Variants in TANGO6 observed in about 807,000 individuals in gnomAD.
The protein encoded by TANGO6 is transport and Golgi organization protein 6 homolog.
A neutral mutation model predicts 114.2 loss-of-function variants in TANGO6; 90 were observed. That is an observed-to-expected ratio of 0.79 (90% CI 0.66 to 0.94). The LOEUF is 0.94. Ranked by LOEUF, TANGO6 falls within the 40% of genes least tolerant of loss-of-function variation. The pLI is 0.00. For synonymous variants in TANGO6, 477 were observed against 509.8 expected, an observed-to-expected ratio of 0.94 and a Z score of 0.87; for missense variants, 1,274 against 1,315.3, an observed-to-expected ratio of 0.97 and a Z score of 0.49.
chr16:68,894,795 C>T (rs1036651836), intron 7 of TANGO6, among the ~76,000 whole-genome samples: 3 of 151,862 alleles, frequency 2.0e-5, no homozygotes, highest in Admixed American at 1.3e-4. Flanking sequence ...AGTTTATTCA[C>T]GATGTTGCTC....
At chr16:68,962,815 C>G (rs1963606505) in intron 14 of TANGO6, among the ~76,000 whole-genome samples, 1 of 151,698 alleles carries the variant, frequency 6.6e-6, no homozygotes, top group Non-Finnish European at 1.5e-5. Flanking sequence ...GGCGCGGTGG[C>G]TCATGCCTGT....
chr16:69,044,837 G>A lies in TANGO6; in HGVS notation c.3108+4416G>A, dbSNP rs551028940. The stretch of plus-strand genomic sequence containing the variant: ...TTCAAGACCAGCCAGGGCTACGTAA[G>A]CAAGACCTTATCTGAAAAAGAAAAA... On this transcript the variant is annotated intron_variant, in intron 17 of 17. Coordinates refer to ENST00000261778, the MANE Select transcript of TANGO6 (RefSeq NM_024562.2). Among the ~76,000 whole-genome samples, 8 of 152,218 alleles carry A rather than the reference G, an allele frequency of 5.3e-5. No individual in the cohort carries two copies. The South Asian group carries it at 1.5e-3, about 28-fold the overall frequency.
At chr16:68,997,616 AC>A (rs1470920345) in intron 15 of TANGO6, among the ~76,000 whole-genome samples, 6 of 152,160 alleles carry the variant, frequency 3.9e-5, no homozygotes, top group Non-Finnish European at 4.4e-5. Context: ...CGGCTTCTTT[AC>A]CACATCTCAT....
At chr16:69,025,008 A>G (rs919043053) in intron 16 of TANGO6, among the ~76,000 whole-genome samples, 3 of 151,932 alleles carry the variant, frequency 2.0e-5, no homozygotes. Flanking sequence ...GTGTTTCATC[A>G]TGTTGGCCAG....
chr16:68,999,957 G>A (rs553916878), intron 15 of TANGO6, among the ~76,000 whole-genome samples: 102 of 152,302 alleles, frequency 6.7e-4, no homozygotes, highest in African/African-American at 2.4e-3. Context: ...TCAGAGTCCT[G>A]TAGCTGATTA....
At chr16:68,920,179 C>T (rs1353130475) in intron 12 of TANGO6, among the ~76,000 whole-genome samples, 1 of 152,210 alleles carries the variant, frequency 6.6e-6, no homozygotes, top group African/African-American at 2.4e-5. Flanking sequence ...GGAAGTCAGA[C>T]ACTAAATGAC....
intron 15 of TANGO6, among the ~76,000 whole-genome samples, chr16:69,005,022 C>T (rs897801655): frequency 9.9e-5 from 15 of 152,178 alleles, no homozygotes; most frequent in Non-Finnish European, 2.2e-4. Flanking sequence ...CACCCCAGAG[C>T]ATCTGGCATG....
At chr16:68,931,150 G>A (rs1963234587) in intron 14 of TANGO6, among the ~76,000 whole-genome samples, 1 of 152,192 alleles carries the variant, frequency 6.6e-6, no homozygotes, top group Admixed American at 6.5e-5. Flanking sequence ...AAGCAGACAT[G>A]GTGAGGTCAG....
rs182813751 is a variant in TANGO6, at chr16:69,023,120, A to T, written c.2994+141A>T. ...GTGAGACAGGGCAAGTGAGCCATTG[A>T]ACTTCCCAAGGCTTCATCTGTCTCA... On this transcript the variant is annotated intron_variant, in intron 16 of 17. Coordinates refer to ENST00000261778, the MANE Select transcript of TANGO6 (RefSeq NM_024562.2). The T allele has an allele frequency of 4.3e-5, 38 of 886,550 alleles. No individual in the cohort carries two copies. In the East Asian group the frequency reaches 8.6e-4, roughly 20 times the overall value. The allele number at this position is 886,550 out of a possible 1,614,324, so 54.9% of individuals were successfully genotyped here.
intron 15 of TANGO6, among the ~76,000 whole-genome samples, chr16:69,021,918 C>T (rs1421422606): frequency 6.9e-6 from 1 of 144,674 alleles, no homozygotes; most frequent in Non-Finnish European, 1.5e-5. Context: ...CAGAATCTCA[C>T]TGTGTTGCCC....
intron 14 of TANGO6, among the ~76,000 whole-genome samples, chr16:68,932,095 AT>A (rs1021724091): frequency 1.7e-4 from 25 of 142,956 alleles, no homozygotes; most frequent in East Asian, 4.1e-4. Flanking sequence ...AATAAAAAAA[AT>A]TTTTTTTTTT....
intron 17 of TANGO6, among the ~76,000 whole-genome samples, chr16:69,058,909 C>CTTT (rs754689921): frequency 7.3e-6 from 1 of 136,580 alleles, no homozygotes; most frequent in African/African-American, 2.7e-5. Context: ...CTTTTCTACT[C>CTTT]TTTTTTTTTT....
chr16:68,936,773 G>T (rs1045173839), intron 14 of TANGO6, among the ~76,000 whole-genome samples: 8 of 151,044 alleles, frequency 5.3e-5, no homozygotes, highest in Non-Finnish European at 1.0e-4. Flanking sequence ...AGGATCTTTG[G>T]ATAAAACTAC....
At chr16:68,958,031 G>A (rs548587546) in intron 14 of TANGO6, among the ~76,000 whole-genome samples, 5 of 151,980 alleles carry the variant, frequency 3.3e-5, no homozygotes, top group African/African-American at 1.2e-4. Flanking sequence ...AATTAGCCGG[G>A]TGCAGTGGCA....
At chr16:68,987,318 G>A (rs1329049425) in intron 15 of TANGO6, among the ~76,000 whole-genome samples, 1 of 152,086 alleles carries the variant, frequency 6.6e-6, no homozygotes, top group Non-Finnish European at 1.5e-5. Flanking sequence ...GAATTACTGG[G>A]TCATAGGCTA....
chr16:68,882,468 G>A (rs1962477407), intron 7 of TANGO6, among the ~76,000 whole-genome samples: 1 of 151,810 alleles, frequency 6.6e-6, no homozygotes, highest in African/African-American at 2.4e-5. Context: ...CTGCACTCCA[G>A]CCTGGGTGAC....
chr16:69,014,496 A>T (rs1012523256), intron 15 of TANGO6, among the ~76,000 whole-genome samples: 2 of 152,222 alleles, frequency 1.3e-5, no homozygotes, highest in Non-Finnish European at 2.9e-5. Flanking sequence ...AGGGATGGCG[A>T]CAGGTGGATA....
chr16:69,002,744 A>T (rs968265294), intron 15 of TANGO6, among the ~76,000 whole-genome samples: 28 of 152,054 alleles, frequency 1.8e-4, no homozygotes, highest in African/African-American at 2.2e-4. Flanking sequence ...GAGCACTTTT[A>T]AAAAAAGTCC....
intron 15 of TANGO6, among the ~76,000 whole-genome samples, chr16:69,005,343 CAG>C (rs1964082809): frequency 6.6e-6 from 1 of 152,154 alleles, no homozygotes; most frequent in South Asian, 2.1e-4. Flanking sequence ...GAAGGGGTGA[CAG>C]GGTGGGCTAC....
Sources: allele counts gnomAD v4.1 joint callset (sites outside exome capture counted in the v4.1 genomes callset), GRCh38; gene constraint gnomAD v4.1.1; transcripts MANE v1.5; gene names NCBI Gene and HGNC (gene_info 2026-07-23, HGNC 2026-07-21).